The following SOX6 variants were observed in gnomAD, a reference collection of about 807,000 sequenced individuals.
The protein encoded by SOX6 is transcription factor SOX-6.
SOX6 carries 11 observed loss-of-function variants against 97.8 expected under a neutral mutation model. That is an observed-to-expected ratio of 0.11 (90% CI 0.07 to 0.19). The LOEUF (loss-of-function observed/expected upper bound fraction) is 0.19, where lower values mean the gene tolerates loss of function less well. Among genes scored for constraint, SOX6 ranks in the 10% least tolerant of loss-of-function variants. The pLI is 1.00. For missense variants in SOX6, 810 were observed against 1,039.5 expected (o/e 0.78, Z 3.04); for synonymous variants, 360 against 371.4 (o/e 0.97, Z 0.35).
intron 12 of SOX6, among the ~76,000 whole-genome samples, chr11:16,033,382 T>C (rs534790728): frequency 6.6e-6 from 1 of 152,262 alleles, no homozygotes; most frequent in Admixed American, 6.5e-5. Flanking sequence ...GTAATACACA[T>C]GTTGTTGATC....
intron 3 of SOX6, among the ~76,000 whole-genome samples, chr11:16,633,487 C>A (rs1013745731): frequency 3.9e-5 from 6 of 152,202 alleles, no homozygotes; most frequent in Non-Finnish European, 8.8e-5. Context: ...CAAAAAACAA[C>A]TACCTGAGAG....
intron 1 of SOX6, among the ~76,000 whole-genome samples, chr11:16,405,383 A>C (rs576506410): frequency 6.6e-6 from 1 of 152,002 alleles, no homozygotes; most frequent in Non-Finnish European, 1.5e-5. Flanking sequence ...GTGCACAATA[A>C]TAAGGACCTT....
At chr11:16,522,085 A>G (rs1861075440) in intron 4 of SOX6, among the ~76,000 whole-genome samples, 1 of 152,224 alleles carries the variant, frequency 6.6e-6, no homozygotes, top group Non-Finnish European at 1.5e-5. Flanking sequence ...AACTTCCCCA[A>G]TCTAGCAAGG....
At chr11:16,440,567 C>T (rs1859485827) in intron 1 of SOX6, among the ~76,000 whole-genome samples, 1 of 152,114 alleles carries the variant, frequency 6.6e-6, no homozygotes, top group African/African-American at 2.4e-5. Flanking sequence ...AGATTATAGG[C>T]TCCTTAATTT....
intron 3 of SOX6, among the ~76,000 whole-genome samples, chr11:16,286,154 C>T (rs1156725): frequency 0.78 from 118,460 of 152,042 alleles, 46,280 homozygotes; most frequent in Non-Finnish European, 0.8. Flanking sequence ...ATTTCCTTCT[C>T]GAATAAGAGA....
chr11:16,597,642 G>A (rs1381654802), intron 4 of SOX6, among the ~76,000 whole-genome samples: 1 of 151,792 alleles, frequency 6.6e-6, no homozygotes, highest in Non-Finnish European at 1.5e-5. Context: ...ATTGAGATGG[G>A]TATATTTGAC....
In SOX6 at chr11:16,426,710, C is replaced by T. The variant is rs376462801; in HGVS notation, c.-5+49605G>A. Reference sequence around the variant, plus strand: ...CGGGCGGATCACGAGGTCAGGAGATCGAGACCATCCCGGCTAAAACGGTGA... The same window carrying T: ...CGGGCGGATCACGAGGTCAGGAGATTGAGACCATCCCGGCTAAAACGGTGA... On this transcript the variant is annotated intron_variant, in intron 1 of 15. Transcript: ENST00000396356. 5.9e-5 allele frequency among the ~76,000 whole-genome samples: 9 copies of T among 151,684 alleles called. No homozygotes were observed. In the South Asian group the frequency reaches 1.0e-3, roughly 18 times the overall value.
At chr11:16,400,478 T>C (rs1000995064) in intron 1 of SOX6, among the ~76,000 whole-genome samples, 1 of 151,494 alleles carries the variant, frequency 6.6e-6, no homozygotes, top group African/African-American at 2.4e-5. Flanking sequence ...AAATATACTT[T>C]TGTACTATAA....
intron 6 of SOX6, among the ~76,000 whole-genome samples, chr11:16,123,585 G>A (rs559211490): frequency 4.6e-5 from 7 of 151,996 alleles, no homozygotes; most frequent in East Asian, 3.9e-4. Flanking sequence ...TCACAGTCTC[G>A]TCATTTTAGA....
At chr11:16,468,965 T>C (rs1860091635) in intron 1 of SOX6, among the ~76,000 whole-genome samples, 1 of 152,072 alleles carries the variant, frequency 6.6e-6, no homozygotes, top group Non-Finnish European at 1.5e-5. Context: ...AAATGCTTCA[T>C]GACTATCACT....
chr11:16,706,139 A>G (rs904673927), intron 3 of SOX6, among the ~76,000 whole-genome samples: 1 of 151,822 alleles, frequency 6.6e-6, no homozygotes, highest in Non-Finnish European at 1.5e-5. Context: ...CGTTTATGCT[A>G]TAAGATATTG....
chr11:16,054,209 T>C (rs535189743), intron 10 of SOX6, among the ~76,000 whole-genome samples: 1 of 152,284 alleles, frequency 6.6e-6, no homozygotes, highest in East Asian at 1.9e-4. Flanking sequence ...AACTTACTTA[T>C]AAAATGACTT....
chr11:15,995,484 T>A (rs915111138), intron 13 of SOX6, among the ~76,000 whole-genome samples: 6 of 152,074 alleles, frequency 3.9e-5, no homozygotes, highest in Non-Finnish European at 8.8e-5. Context: ...CTACAATGGA[T>A]AATCCACAAC....
upstream of SOX6, among the ~76,000 whole-genome samples, chr11:16,360,295 T>G (rs1857177936): frequency 6.6e-6 from 1 of 152,134 alleles, no homozygotes; most frequent in South Asian, 2.1e-4. Context: ...TGTGTATATA[T>G]TCTGATTCTT....
chr11:16,161,259 C>A (rs1052978366), intron 6 of SOX6, among the ~76,000 whole-genome samples: 6 of 151,704 alleles, frequency 4.0e-5, no homozygotes, highest in African/African-American at 1.5e-4. Context: ...TCTTTATTTT[C>A]TCTTTATTCT....
chr11:16,155,864 G>A (rs1433855613), intron 6 of SOX6, among the ~76,000 whole-genome samples: 1 of 151,984 alleles, frequency 6.6e-6, no homozygotes, highest in Non-Finnish European at 1.5e-5. Flanking sequence ...CTCCAAGCTC[G>A]TTATCACATC....
chr11:16,269,140 G>C (rs547328868), intron 3 of SOX6, among the ~76,000 whole-genome samples: 71 of 150,296 alleles, frequency 4.7e-4, no homozygotes, highest in Non-Finnish European at 7.9e-4. Context: ...TACCGCATTT[G>C]AATTTAATAT....
At chr11:16,408,843 T>G (rs1858737969) in intron 1 of SOX6, 1 of 152,048 alleles carries the variant, frequency 6.6e-6, no homozygotes, top group Non-Finnish European at 1.5e-5. Context: ...CCCAGCCTGA[T>G]GTTTTATAGA....
At chr11:16,105,875 C>T (rs906533677) in intron 7 of SOX6, among the ~76,000 whole-genome samples, 3 of 152,042 alleles carry the variant, frequency 2.0e-5, no homozygotes, top group African/African-American at 7.2e-5. Flanking sequence ...ATAAGCTTAA[C>T]ACGCAAGTAT....
Sources: allele counts gnomAD v4.1 joint callset (sites outside exome capture counted in the v4.1 genomes callset), GRCh38; gene constraint gnomAD v4.1.1; transcripts MANE v1.5; gene names NCBI Gene and HGNC (gene_info 2026-07-23, HGNC 2026-07-21).